The following C2orf76 variants were observed in gnomAD, a reference collection of about 807,000 sequenced individuals.
C2orf76 encodes the protein UPF0538 protein C2orf76.
Under a neutral mutation model 16.9 loss-of-function variants are expected in C2orf76, and 23 were observed. That is an observed-to-expected ratio of 1.36 (90% CI 0.98 to 1.93). The LOEUF (loss-of-function observed/expected upper bound fraction) is 1.93, where lower values mean the gene tolerates loss of function less well. C2orf76 is among the 30% of genes most tolerant of loss of function. C2orf76 has a pLI of 0.00. For missense variants in C2orf76, 152 were observed against 152.6 expected (o/e 1.00, Z 0.02); for synonymous variants, 48 against 52.3 (o/e 0.92, Z 0.35).
intron 2 of C2orf76, among the ~76,000 whole-genome samples, chr2:119,337,308 T>C (rs1257318259): frequency 6.6e-6 from 1 of 151,764 alleles, no homozygotes; most frequent in Non-Finnish European, 1.5e-5. Context: ...TGGGCTCAAG[T>C]GATCCTCCCG....
At chr2:119,315,537 A>T (rs1181569279) in intron 4 of C2orf76, among the ~76,000 whole-genome samples, 2 of 152,208 alleles carry the variant, frequency 1.3e-5, no homozygotes, top group Non-Finnish European at 2.9e-5. Flanking sequence ...TGTGAACTGG[A>T]TAAGGCACAA....
chr2:119,323,450 G>A (rs1189533967), intron 2 of C2orf76, among the ~76,000 whole-genome samples: 3 of 152,036 alleles, frequency 2.0e-5, no homozygotes, highest in Non-Finnish European at 4.4e-5. Flanking sequence ...AGTAAAAGAG[G>A]AGCTGCCCAC....
chr2:119,337,241 G>GTT (rs58917405), intron 2 of C2orf76, among the ~76,000 whole-genome samples: 5 of 147,910 alleles, frequency 3.4e-5, no homozygotes, highest in Admixed American at 2.7e-4. Flanking sequence ...GTTTTGTTTT[G>GTT]TTTTTTTTTT....
chr2:119,321,481 G>T (rs1467313236), intron 2 of C2orf76, among the ~76,000 whole-genome samples: 1 of 152,162 alleles, frequency 6.6e-6, no homozygotes, highest in African/African-American at 2.4e-5. Context: ...GAGGAGCAAA[G>T]GCACATCTAA....
chr2:119,305,192 T>C (rs1678738998), intron 5 of C2orf76, among the ~76,000 whole-genome samples: 1 of 152,218 alleles, frequency 6.6e-6, no homozygotes, highest in South Asian at 2.1e-4. Context: ...TGCAGGATCC[T>C]TTTAATACTG....
chr2:119,361,809 G>A (rs894893176), intron 1 of C2orf76, among the ~76,000 whole-genome samples: 49 of 152,112 alleles, frequency 3.2e-4, no homozygotes, highest in Middle Eastern at 3.4e-3. Context: ...TTTTATAACC[G>A]CACGTCAATC....
intron 2 of C2orf76, among the ~76,000 whole-genome samples, chr2:119,329,584 G>T (rs1171715001): frequency 6.6e-6 from 1 of 151,862 alleles, no homozygotes; most frequent in Non-Finnish European, 1.5e-5. Flanking sequence ...TTGTCTATTT[G>T]ACAATATTTT....
rs200673901 is a variant in C2orf76 at position 119,311,706 on chromosome 2, A to G, written c.223-3T>C. 6.2e-4 allele frequency: 229 copies of G among 372,064 alleles called. 1 individual carries two copies. The East Asian group carries it at 0.016, about 26-fold the overall frequency. 23.0% of individuals were successfully genotyped at this position (372,064 alleles called of 1,614,324 possible). ...AAACTCAACACAAGTTCATTTGTCT[A>G]AAAAAAAAAAAGAAAATCTGCATTT... On this transcript the variant is annotated splice_region_variant and splice_polypyrimidine_tract_variant and intron_variant, in intron 4 of 5. Coordinates refer to ENST00000334816, the MANE Select transcript of C2orf76 (RefSeq NM_001322331.2).
the C2orf76 span, among the ~76,000 whole-genome samples, chr2:119,289,132 C>T: frequency 3.9e-5 from 6 of 152,072 alleles, no homozygotes; most frequent in Admixed American, 6.6e-5. Flanking sequence ...ACTTGGAGCC[C>T]GAGGAAGGCC....
At chr2:119,303,420 C>T (rs1678678481) in intron 5 of C2orf76, among the ~76,000 whole-genome samples, 1 of 152,164 alleles carries the variant, frequency 6.6e-6, no homozygotes, top group South Asian at 2.1e-4. Context: ...GTCTGCTTGG[C>T]TTTTACAGAA....
At chr2:119,366,884 C>G, upstream of C2orf76, 1 of 859,262 alleles carries the variant, frequency 1.2e-6, no homozygotes, top group South Asian at 1.7e-5. Context: ...GGGCTGGGCA[C>G]GCCCCTAGCG....
At chr2:119,365,581 G>A (rs2104665501) in intron 1 of C2orf76, among the ~76,000 whole-genome samples, 1 of 152,298 alleles carries the variant, frequency 6.6e-6, no homozygotes, top group East Asian at 1.9e-4. Context: ...TGTAGGCAGG[G>A]CAGAGATTTG....
At chr2:119,295,406 T>C in the C2orf76 span, among the ~76,000 whole-genome samples, 3 of 152,026 alleles carry the variant, frequency 2.0e-5, no homozygotes, top group Admixed American at 2.0e-4. Flanking sequence ...TTAAATGAGG[T>C]TGTTGTGCTT....
chr2:119,283,464 TTTTTTG>T, the C2orf76 span, among the ~76,000 whole-genome samples: 1 of 152,046 alleles, frequency 6.6e-6, no homozygotes, highest in Non-Finnish European at 1.5e-5. Flanking sequence ...TTCTTTTGGT[TTTTTTG>T]TTTTTGTTTT....
chr2:119,342,883 C>T (rs1046520423), intron 1 of C2orf76, among the ~76,000 whole-genome samples: 1 of 151,976 alleles, frequency 6.6e-6, no homozygotes, highest in South Asian at 2.1e-4. Flanking sequence ...GCCTCAGCCT[C>T]GTCAGCCTCG....
intron 5 of C2orf76, among the ~76,000 whole-genome samples, chr2:119,310,805 T>C (rs1678959717): frequency 6.6e-6 from 1 of 152,064 alleles, no homozygotes; most frequent in Admixed American, 6.5e-5. Context: ...ACCCGGGAGA[T>C]GGAGGTTGCA....
chr2:119,306,356 A>G (rs60837679), intron 5 of C2orf76, among the ~76,000 whole-genome samples: 23,320 of 152,214 alleles, frequency 0.15, 4,558 homozygotes, highest in African/African-American at 0.46. Flanking sequence ...ACAGGGTTCC[A>G]GTTGGGGGCA....
chr2:119,307,567 T>C (rs1020426459), intron 5 of C2orf76, among the ~76,000 whole-genome samples: 9 of 151,984 alleles, frequency 5.9e-5, no homozygotes, highest in Admixed American at 3.9e-4. Flanking sequence ...CCCAAGAGCA[T>C]AGCAACACCA....
At chr2:119,294,645 C>T in the C2orf76 span, among the ~76,000 whole-genome samples, 1 of 152,102 alleles carries the variant, frequency 6.6e-6, no homozygotes, top group African/African-American at 2.4e-5. Flanking sequence ...GAAGTGAAGA[C>T]AGCAGCTGGG....
Sources: allele counts gnomAD v4.1 joint callset (sites outside exome capture counted in the v4.1 genomes callset), GRCh38; gene constraint gnomAD v4.1.1; transcripts MANE v1.5; gene names NCBI Gene and HGNC (gene_info 2026-07-23, HGNC 2026-07-21).